The following NMNAT3 variants were observed in gnomAD, a reference collection of about 807,000 sequenced individuals.
NMNAT3 encodes nicotinamide nucleotide adenylyltransferase 3, also known as nicotinamide/nicotinic acid mononucleotide adenylyltransferase 3.
A neutral mutation model predicts 24.8 loss-of-function variants in NMNAT3; 21 were observed. The observed-to-expected ratio is 0.85, with a 90% CI of 0.60 to 1.22. The LOEUF is 1.22. Among genes scored for constraint, NMNAT3 ranks in the 50% most tolerant of loss-of-function variants. NMNAT3 has a pLI of 0.00. For missense variants in NMNAT3, 387 were observed against 436.6 expected (o/e 0.89, Z 1.01); for synonymous variants, 136 against 155.2 (o/e 0.88, Z 0.92).
rs115855757 is a variant in NMNAT3 at position 139,676,737 on chromosome 3, A to G, written c.-141+968T>C. On this transcript the variant is annotated intron_variant, in intron 1 of 6. Transcript: ENST00000643695. ...AAATGTTTCAAGAATGAACAACTAA[A>G]CCAGTCATCATTTTAGAGAACAGGC... is the stretch of plus-strand genomic sequence containing the variant. 5.8e-3 allele frequency among the ~76,000 whole-genome samples: 876 copies of G among 152,238 alleles called. 9 individuals carry two copies. The highest frequency in any genetic ancestry group is 0.02 in the African/African-American group (814 of 41,536).
chr3:139,607,256 CTG>C (rs2054988466), intron 3 of NMNAT3, among the ~76,000 whole-genome samples: 1 of 152,168 alleles, frequency 6.6e-6, no homozygotes, highest in Admixed American at 6.5e-5. Flanking sequence ...ATATTGAAAA[CTG>C]TTCATACTGA....
chr3:139,622,771 C>CATATAT (rs1180513390), intron 3 of NMNAT3, among the ~76,000 whole-genome samples: 2 of 132,490 alleles, frequency 1.5e-5, no homozygotes, highest in Non-Finnish European at 3.2e-5. Flanking sequence ...TCATATATAT[C>CATATAT]ATATATATGA....
At chr3:139,665,219 C>T (rs2057539049) in intron 1 of NMNAT3, among the ~76,000 whole-genome samples, 1 of 152,144 alleles carries the variant, frequency 6.6e-6, no homozygotes, top group South Asian at 2.1e-4. Context: ...AACCAGATTC[C>T]AGTTTCAGTG....
chr3:139,633,568 T>C (rs930086565), intron 2 of NMNAT3, among the ~76,000 whole-genome samples: 1 of 152,182 alleles, frequency 6.6e-6, no homozygotes, highest in Non-Finnish European at 1.5e-5. Context: ...CACCCATCTT[T>C]TTAGCGGCAG....
At position 139,560,338 on chromosome 3, in the gene NMNAT3, G is replaced by A. The variant is rs1042625196; in HGVS notation, c.*672C>T. The A allele has an allele frequency of 2.0e-5, 3 of 152,602 alleles. No homozygotes were observed. Among genetic ancestry groups the A allele is most frequent in the African/African-American group, 7.2e-5 (3 of 41,442 alleles). 9.5% of individuals were successfully genotyped at this position (152,602 alleles called of 1,614,324 possible). On this transcript the variant is annotated 3_prime_UTR_variant, in exon 7 of 7. Coordinates refer to ENST00000643695, the MANE Select transcript of NMNAT3 (RefSeq NM_001320510.2). ...AGAAACCTGGAAATCAGGAGCCCCG[G>A]CTTTTATGCTATAGCAAGTTTGACA... is the stretch of plus-strand genomic sequence containing the variant.
rs1374578220 is a variant in NMNAT3, at chr3:139,560,374, CA to C, written c.*635del. 11 of 152,720 alleles carry C rather than the reference CA, an allele frequency of 7.2e-5. No individual in the cohort carries two copies. Among genetic ancestry groups the C allele is most frequent in the African/African-American group, 2.2e-4 (9 of 41,558 alleles). 9.5% of individuals were successfully genotyped at this position (152,720 alleles called of 1,614,324 possible). On this transcript the variant is annotated 3_prime_UTR_variant, in exon 7 of 7. Transcript: ENST00000643695. Reference sequence around the variant, plus strand: ...ATAGCAAGTTTGACACTTGCTGTATCAAAAATATTGCTTGAGGATCACTACG... The same window carrying C: ...ATAGCAAGTTTGACACTTGCTGTATCAAAATATTGCTTGAGGATCACTACG...
intron 3 of NMNAT3, among the ~76,000 whole-genome samples, chr3:139,596,946 ATATATATATATATATATAT>A (rs2054502003): frequency 9.8e-6 from 1 of 102,482 alleles, no homozygotes; most frequent in East Asian, 2.2e-4. Flanking sequence ...ATATATATAT[ATATATATATATATATATAT>A]TTTTATTACA....
chr3:139,626,248 A>G (rs990064201), intron 3 of NMNAT3, among the ~76,000 whole-genome samples: 4 of 152,066 alleles, frequency 2.6e-5, no homozygotes, highest in Admixed American at 2.6e-4. Flanking sequence ...AATTCCAAGT[A>G]TATTAAGCTG....
At chr3:139,625,662 TATTTA>T (rs951448873) in intron 3 of NMNAT3, among the ~76,000 whole-genome samples, 1 of 152,204 alleles carries the variant, frequency 6.6e-6, no homozygotes, top group African/African-American at 2.4e-5. Context: ...TTGTTATTTT[TATTTA>T]AACTGTTAAT....
chr3:139,627,621 T>C lies in NMNAT3; in HGVS notation c.104A>G (p.Gln35Arg). ...CTCAGGGCCCCCTGACTGACCTGTT[T>C]GGTGTAGGTGATCTCTGGCCACCTC... The change falls in exon 3 of 7, where the codon CAA becomes CGA. Residue 35 changes from glutamine (Q) to arginine (R), a missense_variant. Physicochemically the swap from Gln to Arg is conservative, Grantham distance 43. Coordinates refer to ENST00000643695, the MANE Select transcript of NMNAT3 (RefSeq NM_001320510.2). 6.3e-7 allele frequency: 1 copy of C among 1,581,286 alleles called. No individual in the cohort carries two copies. Among genetic ancestry groups the C allele is most frequent in the Middle Eastern group, 1.7e-4 (1 of 6,002 alleles).
intron 3 of NMNAT3, among the ~76,000 whole-genome samples, chr3:139,607,425 C>T (rs186487875): frequency 1.3e-5 from 2 of 152,336 alleles, no homozygotes; most frequent in East Asian, 3.9e-4. Flanking sequence ...TGCTCATCCA[C>T]ACCCCTGTGG....
At chr3:139,617,966 A>G (rs949574403) in intron 3 of NMNAT3, among the ~76,000 whole-genome samples, 1 of 152,264 alleles carries the variant, frequency 6.6e-6, no homozygotes, top group Non-Finnish European at 1.5e-5. Flanking sequence ...TCAGCAAAAT[A>G]GGAATAAAAA....
At chr3:139,648,127 C>T (rs142692405) in intron 1 of NMNAT3, among the ~76,000 whole-genome samples, 13 of 152,202 alleles carry the variant, frequency 8.5e-5, no homozygotes, top group Non-Finnish European at 1.5e-4. Flanking sequence ...TGAGTGGATC[C>T]TGGGGGGGTT....
intron 3 of NMNAT3, among the ~76,000 whole-genome samples, chr3:139,626,361 C>A (rs4683405): frequency 0.47 from 71,759 of 151,686 alleles, 18,305 homozygotes; most frequent in South Asian, 0.76. Context: ...GTTCACTAAT[C>A]TTTTCTTCTG....
intron 3 of NMNAT3, among the ~76,000 whole-genome samples, chr3:139,619,367 A>C (rs750033380): frequency 6.6e-6 from 1 of 152,206 alleles, no homozygotes; most frequent in African/African-American, 2.4e-5. Flanking sequence ...GATTGAGGTC[A>C]TATGTGACCA....
At chr3:139,623,889 T>C (rs1483990442) in intron 3 of NMNAT3, among the ~76,000 whole-genome samples, 1 of 152,184 alleles carries the variant, frequency 6.6e-6, no homozygotes, top group Non-Finnish European at 1.5e-5. Flanking sequence ...TGCTAGACTT[T>C]TTAGACTTTT....
At chr3:139,630,206 T>A (rs897925852) in intron 2 of NMNAT3, among the ~76,000 whole-genome samples, 3 of 152,198 alleles carry the variant, frequency 2.0e-5, no homozygotes, top group Non-Finnish European at 4.4e-5. Context: ...TCCTGTAGAT[T>A]TTGCTTCTGT....
chr3:139,600,809 A>G (rs2054679461), intron 3 of NMNAT3, among the ~76,000 whole-genome samples: 1 of 152,140 alleles, frequency 6.6e-6, no homozygotes, highest in East Asian at 1.9e-4. Flanking sequence ...TAGCTTCCAG[A>G]GGAAGGGGTG....
intron 3 of NMNAT3, among the ~76,000 whole-genome samples, chr3:139,594,282 T>G (rs562937126): frequency 1.3e-5 from 2 of 152,324 alleles, no homozygotes; most frequent in East Asian, 3.9e-4. Flanking sequence ...AATCTCTGAA[T>G]AGACCAATAA....
Sources: gnomAD v4.1 joint callset for allele counts (sites outside exome capture counted in the v4.1 genomes callset) on GRCh38, gnomAD v4.1.1 for gene constraint, MANE v1.5 for transcripts, NCBI Gene and HGNC (gene_info 2026-07-23, HGNC 2026-07-21) for gene names.